RIMS2: variants seen among roughly 807,000 people sequenced by gnomAD.
RIMS2 encodes regulating synaptic membrane exocytosis protein 2.
RIMS2 carries 59 observed loss-of-function variants against 174.4 expected under a neutral mutation model. The ratio of observed to expected loss-of-function variants is 0.34; its 90% CI spans 0.27 to 0.42. The LOEUF (loss-of-function observed/expected upper bound fraction) is 0.42. Ranked by LOEUF, RIMS2 falls within the 10% of genes least tolerant of loss-of-function variation. The pLI is 1.00. For synonymous variants in RIMS2, 606 were observed against 572.5 expected (o/e 1.06, Z -0.84); for missense variants, 1,620 against 1,666.3 (o/e 0.97, Z 0.48).
intron 4 of RIMS2, among the ~76,000 whole-genome samples, chr8:103,898,598 G>T (rs1383577695): frequency 1.3e-5 from 2 of 151,466 alleles, no homozygotes; most frequent in African/African-American, 4.9e-5. Flanking sequence ...ATTAAAAAAA[G>T]GAATATAATG....
intron 1 of RIMS2, among the ~76,000 whole-genome samples, chr8:103,583,992 CT>C (rs1289141832): frequency 6.6e-6 from 1 of 152,128 alleles, no homozygotes; most frequent in East Asian, 1.9e-4. Flanking sequence ...GCAGTACTCC[CT>C]TTGGCATATT....
intron 19 of RIMS2, among the ~76,000 whole-genome samples, chr8:104,213,986 G>A (rs1170303139): frequency 3.3e-5 from 5 of 152,132 alleles, no homozygotes; most frequent in African/African-American, 9.7e-5. Flanking sequence ...TGTAAATCAT[G>A]GATCAAGACT....
At chr8:103,985,473 CAAAAAAAAAAA>C (rs58750334) in intron 16 of RIMS2, among the ~76,000 whole-genome samples, 19 of 36,162 alleles carry the variant, frequency 5.3e-4, no homozygotes, top group Middle Eastern at 0.024. Flanking sequence ...GACTCTGTCT[CAAAAAAAAAAA>C]AAAAAAAAAA....
Position 103,652,242 on chromosome 8 carries a change from G to C in RIMS2, c.177-44844G>C, listed in dbSNP as rs745560574. 2.2e-6 allele frequency: 3 copies of C among 1,346,982 alleles called. No individual in the cohort carries two copies. The East Asian group carries it at 1.4e-4, about 61-fold the overall frequency. The allele number at this position is 1,346,982 out of a possible 1,614,324, so 83.4% of individuals were successfully genotyped here. ...ACACAAACCACAACTGACACAGTAA[G>C]TAAATGTATTAAGAGTGTAGTAGGC... On this transcript the variant is annotated intron_variant, in intron 1 of 23. Transcript: ENST00000504942.
At chr8:103,781,622 G>T (rs1207704594) in intron 3 of RIMS2, among the ~76,000 whole-genome samples, 2 of 151,204 alleles carry the variant, frequency 1.3e-5, no homozygotes, top group Non-Finnish European at 2.9e-5. Flanking sequence ...CAAACTTTTT[G>T]ATTTGCATGT....
intron 17 of RIMS2, among the ~76,000 whole-genome samples, chr8:104,005,896 G>A (rs565013830): frequency 1.3e-5 from 2 of 151,946 alleles, no homozygotes; most frequent in East Asian, 3.9e-4. Flanking sequence ...GGTAAAGGAC[G>A]AAAACAGTCT....
chr8:103,877,910 C>T lies in RIMS2; in HGVS notation c.699-7388C>T, dbSNP rs149622970. Among the ~76,000 whole-genome samples the T allele has an allele frequency of 1.5e-4, 23 of 151,592 alleles. No homozygotes were observed. The East Asian group carries it at 4.5e-3, about 29-fold the overall frequency. ...TGTTTGTGTCATCTATGATTACTTT[C>T]ATCAATGTTTTGTAGTTCTACTTGT... On this transcript the variant is annotated intron_variant, in intron 3 of 23. Transcript: ENST00000504942.
chr8:103,762,733 G>T (rs371759659), intron 2 of RIMS2, among the ~76,000 whole-genome samples: 1 of 152,044 alleles, frequency 6.6e-6, no homozygotes, highest in African/African-American at 2.4e-5. Context: ...GCATCATTAG[G>T]CAATTTTGTC....
At chr8:103,551,147 A>G (rs994605286) in intron 1 of RIMS2, among the ~76,000 whole-genome samples, 1 of 152,222 alleles carries the variant, frequency 6.6e-6, no homozygotes, top group African/African-American at 2.4e-5. Flanking sequence ...CACAACAAAA[A>G]AAAGAGAATT....
At chr8:103,729,149 G>T (rs946521780) in intron 2 of RIMS2, among the ~76,000 whole-genome samples, 2 of 151,952 alleles carry the variant, frequency 1.3e-5, no homozygotes, top group East Asian at 1.9e-4. Context: ...AGTAAGATTG[G>T]TATTAGTTTT....
chr8:103,800,246 A>AT (rs2098597362), intron 3 of RIMS2, among the ~76,000 whole-genome samples: 1 of 151,328 alleles, frequency 6.6e-6, no homozygotes, highest in Non-Finnish European at 1.5e-5. Context: ...GTTTTTTGGC[A>AT]TTTTTTACAT....
chr8:103,663,958 A>G (rs2096635660), intron 1 of RIMS2, among the ~76,000 whole-genome samples: 1 of 152,230 alleles, frequency 6.6e-6, no homozygotes, highest in African/African-American at 2.4e-5. Flanking sequence ...GGAACCAAAG[A>G]GAGGCCTCAG....
rs74941509 is a variant in RIMS2, at chr8:103,626,480, A to G, written c.177-70606A>G. Among the ~76,000 whole-genome samples the G allele has an allele frequency of 5.9e-5, 9 of 152,386 alleles. No individual in the cohort carries two copies. The East Asian group carries it at 1.5e-3, about 26-fold the overall frequency. ...ATATGAACAGCAAACAATTATTACA[A>G]TAATGTAATGTAGCACACAACATAA... On this transcript the variant is annotated intron_variant, in intron 1 of 23. Transcript: ENST00000504942.
intron 19 of RIMS2, among the ~76,000 whole-genome samples, chr8:104,088,774 G>A (rs1469124141): frequency 1.3e-5 from 2 of 151,890 alleles, no homozygotes; most frequent in Non-Finnish European, 2.9e-5. Flanking sequence ...ATGAGTACTG[G>A]AGAAAATGAA....
At chr8:103,530,981 G>A (rs1836782400) in intron 1 of RIMS2, among the ~76,000 whole-genome samples, 1 of 151,170 alleles carries the variant, frequency 6.6e-6, no homozygotes, top group Non-Finnish European at 1.5e-5. Flanking sequence ...TTCATTAAAA[G>A]TTTATTTTAA....
intron 2 of RIMS2, among the ~76,000 whole-genome samples, chr8:103,753,226 C>A (rs1457800121): frequency 1.3e-5 from 2 of 152,046 alleles, no homozygotes; most frequent in African/African-American, 2.4e-5. Context: ...TGTTTATATG[C>A]TGGATTACAT....
chr8:103,520,816 C>T (rs1187117890), intron 1 of RIMS2, among the ~76,000 whole-genome samples: 1 of 151,966 alleles, frequency 6.6e-6, no homozygotes, highest in South Asian at 2.1e-4. Context: ...ACTGAAATCA[C>T]CATCTTTCAA....
intron 2 of RIMS2, among the ~76,000 whole-genome samples, chr8:103,702,633 A>C (rs2097179204): frequency 6.6e-6 from 1 of 152,128 alleles, no homozygotes; most frequent in African/African-American, 2.4e-5. Context: ...ATGGATATTT[A>C]ATTTTCTCAG....
At chr8:104,253,568 C>G (rs2099363689), downstream of RIMS2, 1 of 152,098 alleles carries the variant, frequency 6.6e-6, no homozygotes, top group African/African-American at 2.4e-5. Flanking sequence ...AGTCAAAACC[C>G]CTGCCTTTGG....
Sources: gnomAD v4.1 joint callset for allele counts (sites outside exome capture counted in the v4.1 genomes callset) on GRCh38, gnomAD v4.1.1 for gene constraint, MANE v1.5 for transcripts, NCBI Gene and HGNC (gene_info 2026-07-23, HGNC 2026-07-21) for gene names.